Variants in CWC25 observed in about 807,000 individuals in gnomAD.
CWC25 encodes CWC25 spliceosome associated protein.
CWC25 carries 31 observed loss-of-function variants against 54.6 expected under a neutral mutation model. The observed-to-expected ratio is 0.57, with a 90% confidence interval of 0.43 to 0.77. The LOEUF (loss-of-function observed/expected upper bound fraction) is 0.77. Ranked by LOEUF, CWC25 falls within the 30% of genes least tolerant of loss-of-function variation. The pLI is 0.00. For missense variants in CWC25, 453 were observed against 529.3 expected, an observed-to-expected ratio of 0.86 and a Z score of 1.41; for synonymous variants, 151 against 187.0, an observed-to-expected ratio of 0.81 and a Z score of 1.57.
intron 8 of CWC25, 92 bp from the exon 9 acceptor site, chr17:38,802,953 C>G: frequency 6.9e-7 from 1 of 1,458,762 alleles, no homozygotes; most frequent in South Asian, 1.2e-5. Context: ...GGACCCCAAG[C>G]TCTCCAGTTC....
intron 2 of CWC25, among the ~76,000 whole-genome samples, chr17:38,819,774 C>G (rs1300028557): frequency 6.6e-6 from 1 of 151,974 alleles, no homozygotes; most frequent in African/African-American, 2.4e-5. Flanking sequence ...CTTCTGCCTC[C>G]CGGGTTCAAG....
chr17:38,824,108 G>A (rs943191565), intron 1 of CWC25, among the ~76,000 whole-genome samples: 1 of 152,168 alleles, frequency 6.6e-6, no homozygotes, highest in African/African-American at 2.4e-5. Flanking sequence ...AAACTAATAG[G>A]TTTACTGGGC....
chr17:38,821,488 G>C (rs1911920665), intron 1 of CWC25, among the ~76,000 whole-genome samples: 1 of 152,172 alleles, frequency 6.6e-6, no homozygotes, highest in African/African-American at 2.4e-5. Flanking sequence ...TGAACCAAGA[G>C]GCGGAGGTTG....
At chr17:38,816,692 T>TG (rs1326631625) in intron 2 of CWC25, among the ~76,000 whole-genome samples, 1 of 151,882 alleles carries the variant, frequency 6.6e-6, no homozygotes, top group African/African-American at 2.4e-5. Context: ...ATGACCCTTT[T>TG]TTTTTTCCCC....
rs768809196 is a variant in CWC25, at chr17:38,806,284, G to A, written c.1001+13C>T. 8.1e-6 allele frequency: 13 copies of A among 1,600,810 alleles called. No homozygotes were observed. The South Asian group carries it at 1.5e-4, about 18-fold the overall frequency. ...CTGCAAAATGTGGTTAATCAACTGG[G>A]CTCCTGACTCACCTGGTGTATCCGG... On this transcript the variant is annotated intron_variant, in intron 8 of 9. Transcript: ENST00000614790.
rs751435361 is a variant in CWC25 at position 38,802,162 on chromosome 17, C to T, written c.1208G>A (p.Arg403Gln). The change falls in exon 10 of 10, where the codon CGG becomes CAG. Residue 403 changes from arginine to glutamine, a missense_variant. Transcript: ENST00000614790. ...TAAAGAGTAGATATTCCGCTTCACCCGATCCTCCAGGGAGGAAGTAGATGC... is the reference window on the plus strand; with the variant it reads ...TAAAGAGTAGATATTCCGCTTCACCTGATCCTCCAGGGAGGAAGTAGATGC... ...ESASTSSLED[R>Q]VKRNIYSLQR... 17 of 1,613,858 alleles carry T rather than the reference C, an allele frequency of 1.1e-5. No individual in the cohort carries two copies. The highest frequency in any genetic ancestry group is 2.2e-5 in the South Asian group (2 of 91,064).
intron 3 of CWC25, among the ~76,000 whole-genome samples, 158 bp from the exon 4 acceptor site, chr17:38,813,022 AGGAGGAGAATCGCTCCCAGCTACTTGAG>A (rs1311541656): frequency 6.6e-6 from 1 of 151,890 alleles, no homozygotes; most frequent in Non-Finnish European, 1.5e-5. Flanking sequence ...GCTACTTGGG[AGGAGGAGAATCGCTCCCAGCTACTTGAG>A]GGAGGAGAAT....
At chr17:38,820,784 G>A in intron 2 of CWC25, 117 bp downstream of exon 2, 1 of 1,208,122 alleles carries the variant, frequency 8.3e-7, no homozygotes, top group Non-Finnish European at 1.2e-6. Flanking sequence ...ATCCAGGTGA[G>A]TCTGGCATTA....
Position 38,809,700 on chromosome 17 carries a change from A to G in CWC25, c.690+2T>C, listed in dbSNP as rs780790081. The G allele has an allele frequency of 6.2e-7, 1 of 1,613,634 alleles. No individual in the cohort carries two copies. Among genetic ancestry groups the G allele is most frequent in the African/African-American group, 1.3e-5 (1 of 75,008 alleles). On this transcript the variant is annotated splice_donor_variant, in intron 6 of 9. Coordinates refer to ENST00000614790, the MANE Select transcript of CWC25 (RefSeq NM_017748.5). LOFTEE classifies it high-confidence loss of function. ...CTCCTTTCAAGAAGCCCACATCCCTACCTGTAAGCCATATCCAGGGACTTT... is the reference window on the plus strand; with the variant it reads ...CTCCTTTCAAGAAGCCCACATCCCTGCCTGTAAGCCATATCCAGGGACTTT...
chr17:38,814,103 C>T (rs1598073991), intron 3 of CWC25, among the ~76,000 whole-genome samples: 1 of 151,692 alleles, frequency 6.6e-6, no homozygotes, highest in Non-Finnish European at 1.5e-5. Flanking sequence ...CCTCGTGATC[C>T]GCCCGCCTCG....
Position 38,802,699 on chromosome 17 carries a change from C to G in CWC25, c.1163+1G>C, listed in dbSNP as rs1225867059. On this transcript the variant is annotated splice_donor_variant, in intron 9 of 9. Transcript: ENST00000614790. LOFTEE classifies it high-confidence loss of function. ...CCCTGGCAGGAAGAAGATGCACTCA[C>G]TGGATGAACTTCCCATCCCGGGAGT... is the stretch of plus-strand genomic sequence containing the variant. The G allele has an allele frequency of 6.2e-7, 1 of 1,613,946 alleles. No homozygotes were observed. Among genetic ancestry groups the G allele is most frequent in the East Asian group, 2.2e-5 (1 of 44,894 alleles).
In CWC25 at chr17:38,825,146, C is replaced by A; in HGVS notation, c.18+20G>T. On this transcript the variant is annotated intron_variant, in intron 1 of 9. Transcript: ENST00000614790. ...CGTCCCGGCCTCAGTCCTCCCCCGCCCAGGCCTCCCTCCACTCACCAGGTC... is the reference window on the plus strand; with the variant it reads ...CGTCCCGGCCTCAGTCCTCCCCCGCACAGGCCTCCCTCCACTCACCAGGTC... 1 of 1,554,168 alleles carries A rather than the reference C, an allele frequency of 6.4e-7. No homozygotes were observed. The highest frequency in any genetic ancestry group is 2.4e-5 in the East Asian group (1 of 41,452).
chr17:38,823,159 CTTTTTTTTTTT>C (rs35287371), intron 1 of CWC25, among the ~76,000 whole-genome samples: 4 of 122,440 alleles, frequency 3.3e-5, no homozygotes. Flanking sequence ...TTTTTTTTAA[CTTTTTTTTTTT>C]TTTTTTTGAG....
chr17:38,809,255 C>T (rs1038461865), intron 6 of CWC25, among the ~76,000 whole-genome samples: 1 of 151,514 alleles, frequency 6.6e-6, no homozygotes, highest in South Asian at 2.1e-4. Context: ...TGACGAAACC[C>T]TGTCTCTACT....
intron 2 of CWC25, among the ~76,000 whole-genome samples, chr17:38,816,426 C>T (rs148693774): frequency 6.6e-6 from 1 of 151,270 alleles, no homozygotes; most frequent in Non-Finnish European, 1.5e-5. Context: ...TTTATTTTTT[C>T]AATTTTTAAA....
intron 1 of CWC25, among the ~76,000 whole-genome samples, chr17:38,821,627 G>C (rs531463506): frequency 6.6e-6 from 1 of 152,078 alleles, no homozygotes; most frequent in Non-Finnish European, 1.5e-5. Flanking sequence ...CCTTCAAACA[G>C]TTTTAACCTT....
In CWC25 at chr17:38,805,714, C is replaced by T. The variant is rs115813284; in HGVS notation, c.1001+583G>A. On this transcript the variant is annotated intron_variant, in intron 8 of 9. Coordinates refer to ENST00000614790, the MANE Select transcript of CWC25 (RefSeq NM_017748.5). ...GTGGCTTGATCGTAGCTCACTGCAA[C>T]CTTAATCCCTTGACCTTAAGTGATC... Among the ~76,000 whole-genome samples the T allele has an allele frequency of 3.1e-3, 471 of 152,272 alleles. 2 individuals carry two copies. Among genetic ancestry groups the T allele is most frequent in the African/African-American group, 0.011 (455 of 41,558 alleles).
intron 4 of CWC25, 50 bp from the exon 5 acceptor site, chr17:38,810,645 C>G: frequency 1.1e-6 from 1 of 907,686 alleles, no homozygotes; most frequent in South Asian, 1.4e-5. Flanking sequence ...GACCAGCCAG[C>G]GCAGTGGCTC....
At chr17:38,816,062 C>A (rs1343428489) in intron 2 of CWC25, among the ~76,000 whole-genome samples, 8 of 151,982 alleles carry the variant, frequency 5.3e-5, no homozygotes, top group African/African-American at 1.7e-4. Context: ...CATTTCCCTG[C>A]GGTTCTGGGA....
Sources: allele counts gnomAD v4.1 joint callset (sites outside exome capture counted in the v4.1 genomes callset), GRCh38; gene constraint gnomAD v4.1.1; transcripts MANE v1.5; gene names NCBI Gene and HGNC (gene_info 2026-07-23, HGNC 2026-07-21).